The following ASAP1 variants were observed in gnomAD, a reference collection of about 807,000 sequenced individuals.
ASAP1 encodes ArfGAP with SH3 domain, ankyrin repeat and PH domain 1, also known as arf-GAP with SH3 domain, ANK repeat and PH domain-containing protein 1.
ASAP1 carries 43 observed loss-of-function variants against 145.2 expected under a neutral mutation model. That is an observed-to-expected ratio of 0.30 (90% CI 0.23 to 0.38). The LOEUF (loss-of-function observed/expected upper bound fraction) is 0.38, where lower values mean the gene tolerates loss of function less well. Among genes scored for constraint, ASAP1 ranks in the 10% least tolerant of loss-of-function variants. ASAP1 has a pLI of 1.00. For missense variants in ASAP1, 1,018 were observed against 1,355.3 expected (o/e 0.75, Z 3.91); for synonymous variants, 546 against 515.5 (o/e 1.06, Z -0.80).
intron 3 of ASAP1, among the ~76,000 whole-genome samples, chr8:130,239,220 T>G (rs1818384523): frequency 6.6e-6 from 1 of 152,024 alleles, no homozygotes. Context: ...AGAGATAAAT[T>G]TTGTATTACT....
At chr8:130,315,938 T>C (rs921783470) in intron 3 of ASAP1, among the ~76,000 whole-genome samples, 3 of 152,188 alleles carry the variant, frequency 2.0e-5, no homozygotes, top group Admixed American at 2.0e-4. Context: ...CTCTACCTGG[T>C]TTCATGGCTC....
chr8:130,261,220 G>A (rs989194335), intron 3 of ASAP1, among the ~76,000 whole-genome samples: 4 of 152,130 alleles, frequency 2.6e-5, no homozygotes, highest in African/African-American at 9.7e-5. Flanking sequence ...TGTGTATGGC[G>A]ATGTATGTGT....
chr8:130,220,120 C>T (rs1312579395), intron 4 of ASAP1, among the ~76,000 whole-genome samples: 4 of 152,098 alleles, frequency 2.6e-5, no homozygotes, highest in Non-Finnish European at 1.5e-5. Context: ...TAGGTGAATC[C>T]TTTCAGTTCA....
At chr8:130,188,075 A>G in intron 6 of ASAP1, 34 bp downstream of exon 6, 1 of 1,495,228 alleles carries the variant, frequency 6.7e-7, no homozygotes, top group South Asian at 1.2e-5. Context: ...AATCCTTTCA[A>G]GTTAAAGTGA....
chr8:130,318,200 G>GC lies in ASAP1; in HGVS notation c.186+39816dup, dbSNP rs201182139. 2.6e-3 allele frequency among the ~76,000 whole-genome samples: 390 copies of GC among 152,196 alleles called. 8 individuals are homozygous for GC. The East Asian group carries it at 0.037, about 14-fold the overall frequency. On this transcript the variant is annotated intron_variant, in intron 3 of 29. Coordinates refer to ENST00000518721, the MANE Select transcript of ASAP1 (RefSeq NM_018482.4). ...AGGCTCAAGTAATCCTCCCACCTCA[G>GC]CCCCCCAAGTGGCTGGGGTTACAGG...
intron 3 of ASAP1, among the ~76,000 whole-genome samples, chr8:130,324,859 A>T (rs561206457): frequency 6.6e-6 from 1 of 152,294 alleles, no homozygotes; most frequent in African/African-American, 2.4e-5. Context: ...TTGCATCCTC[A>T]GCTAGTGGCA....
At chr8:130,309,998 C>T (rs951490801) in intron 3 of ASAP1, among the ~76,000 whole-genome samples, 5 of 152,104 alleles carry the variant, frequency 3.3e-5, no homozygotes, top group South Asian at 4.1e-4. Flanking sequence ...TTTTCTAAAT[C>T]GTAATATCCC....
chr8:130,284,330 G>A (rs1301073263), intron 3 of ASAP1, among the ~76,000 whole-genome samples: 1 of 152,044 alleles, frequency 6.6e-6, no homozygotes, highest in Admixed American at 6.6e-5. Flanking sequence ...TAGTCAAAAC[G>A]ATAAATTGTA....
intron 20 of ASAP1, among the ~76,000 whole-genome samples, chr8:130,117,227 G>T (rs182022704): frequency 6.6e-6 from 1 of 152,170 alleles, no homozygotes; most frequent in Non-Finnish European, 1.5e-5. Flanking sequence ...ACATTTACAT[G>T]TATTAGTTCA....
intron 25 of ASAP1, among the ~76,000 whole-genome samples, chr8:130,091,723 G>A (rs778485223): frequency 6.6e-6 from 1 of 152,222 alleles, no homozygotes; most frequent in Non-Finnish European, 1.5e-5. Flanking sequence ...ACCTCACAGA[G>A]TTGCTATTAT....
At chr8:130,251,244 C>T (rs930458515) in intron 3 of ASAP1, among the ~76,000 whole-genome samples, 11 of 152,104 alleles carry the variant, frequency 7.2e-5, no homozygotes, top group East Asian at 3.9e-4. Flanking sequence ...ATAGCGAAAC[C>T]GCATTTCTAC....
intron 15 of ASAP1, among the ~76,000 whole-genome samples, chr8:130,133,422 C>T (rs933610172): frequency 2.0e-5 from 3 of 150,902 alleles, no homozygotes; most frequent in South Asian, 2.1e-4. Context: ...TTTGGGAGGC[C>T]GAGGCGGGTG....
chr8:130,340,190 C>G (rs1194945571), intron 3 of ASAP1, among the ~76,000 whole-genome samples: 3 of 152,148 alleles, frequency 2.0e-5, no homozygotes, highest in African/African-American at 7.2e-5. Flanking sequence ...CCAAATAAGT[C>G]ACTGTTTACC....
intron 3 of ASAP1, among the ~76,000 whole-genome samples, chr8:130,308,015 T>G (rs1265451509): frequency 6.6e-6 from 1 of 152,276 alleles, no homozygotes. Context: ...ATTTAGGAAA[T>G]GCTTACATTT....
At chr8:130,255,545 T>G (rs927597206) in intron 3 of ASAP1, among the ~76,000 whole-genome samples, 1 of 152,212 alleles carries the variant, frequency 6.6e-6, no homozygotes, top group Non-Finnish European at 1.5e-5. Context: ...TATTCACTCC[T>G]GTCAAAAATT....
Position 130,152,757 on chromosome 8 carries a change from A to C in ASAP1, c.1059T>G (p.Ile353Met). ...TTACTGTGGCATGTGAGATGGTCAG[A>C]ATCCCATTCTTGACTGAACACTTCC... Reference protein sequence around the residue: ...QRRKCSVKNGILTISHATSNR... With the variant: ...QRRKCSVKNGMLTISHATSNR... The change falls in exon 13 of 30, where the codon ATT (isoleucine) becomes ATG (methionine). Residue 353 changes from isoleucine (I) to methionine (M), a missense_variant. Physicochemically the swap from Ile to Met is conservative, Grantham distance 10 (BLOSUM62 1). Transcript: ENST00000518721. 1 of 1,612,240 alleles carries C rather than the reference A, an allele frequency of 6.2e-7. No homozygotes were observed.
intron 1 of ASAP1, among the ~76,000 whole-genome samples, chr8:130,409,117 C>A (rs1407922855): frequency 6.6e-6 from 1 of 152,074 alleles, no homozygotes; most frequent in African/African-American, 2.4e-5. Context: ...CAAAAATTAG[C>A]CAGGCATGGT....
At chr8:130,087,821 C>A (rs1035309603) in intron 25 of ASAP1, among the ~76,000 whole-genome samples, 2 of 152,168 alleles carry the variant, frequency 1.3e-5, no homozygotes, top group African/African-American at 4.8e-5. Context: ...CCCCAAATCT[C>A]CCCTGTGAAT....
At chr8:130,186,728 G>C (rs796801650) in intron 7 of ASAP1, among the ~76,000 whole-genome samples, 1 of 152,112 alleles carries the variant, frequency 6.6e-6, no homozygotes, top group African/African-American at 2.4e-5. Context: ...GAGCCCCTTA[G>C]CCTCTCCAGG....
Sources: allele counts gnomAD v4.1 joint callset (sites outside exome capture counted in the v4.1 genomes callset), GRCh38; gene constraint gnomAD v4.1.1; transcripts MANE v1.5; gene names NCBI Gene and HGNC (gene_info 2026-07-23, HGNC 2026-07-21).